Variants in ANO2 observed in about 807,000 individuals in gnomAD.
ANO2 encodes the protein anoctamin 2.
A neutral mutation model predicts 124.2 loss-of-function variants in ANO2; 101 were observed. That is an observed-to-expected ratio of 0.81 (90% CI 0.69 to 0.96). The LOEUF (loss-of-function observed/expected upper bound fraction) is 0.96. Ranked by LOEUF, ANO2 falls within the 40% of genes least tolerant of loss-of-function variation. The pLI, the probability that ANO2 is intolerant of heterozygous loss-of-function variation, is 0.00. For synonymous variants in ANO2, 486 were observed against 482.5 expected (o/e 1.01, Z -0.09); for missense variants, 1,293 against 1,274.5 (o/e 1.01, Z -0.22).
At chr12:5,928,629 A>G (rs1942210445) in intron 1 of ANO2, among the ~76,000 whole-genome samples, 1 of 143,994 alleles carries the variant, frequency 6.9e-6, no homozygotes, top group African/African-American at 2.6e-5. Flanking sequence ...TTCTTTCCTT[A>G]TTAGTCACTT....
Position 5,563,334 on chromosome 12 carries a change from T to C in ANO2, c.2962A>G (p.Met988Val), listed in dbSNP as rs907003320. The C allele has an allele frequency of 1.9e-6, 3 of 1,603,856 alleles. No individual in the cohort carries two copies. The highest frequency in any genetic ancestry group is 3.4e-5 in the Admixed American group (2 of 59,248). The change falls in exon 25 of 25, where the codon ATG (methionine) becomes GTG (valine). Residue 988 changes from methionine (M) to valine (V), a missense_variant. Physicochemically the swap from Met to Val is conservative, Grantham distance 21 (BLOSUM62 1). Coordinates refer to ENST00000682330, the MANE Select transcript of ANO2 (RefSeq NM_001364791.2). ...GTGTGCTGAGAGCCTGACGACATCA[T>C]GCTGCCCAGCTGGCTTTGGCCTGAA... is the stretch of plus-strand genomic sequence containing the variant. ...APSGQSQLGS[M>V]MSSGSQHTNV
At chr12:5,660,758 AC>A (rs1268943934) in intron 14 of ANO2, among the ~76,000 whole-genome samples, 2 of 152,142 alleles carry the variant, frequency 1.3e-5, no homozygotes, top group Non-Finnish European at 2.9e-5. Flanking sequence ...TGCATGGATG[AC>A]TCAGAGAGTG....
intron 14 of ANO2, among the ~76,000 whole-genome samples, chr12:5,696,865 CATG>C (rs1209864527): frequency 6.6e-6 from 1 of 152,198 alleles, no homozygotes; most frequent in African/African-American, 2.4e-5. Flanking sequence ...AGAAAAGCTA[CATG>C]ATTATTTAAA....
chr12:5,921,800 G>A (rs1045729001), intron 2 of ANO2, among the ~76,000 whole-genome samples: 7 of 152,136 alleles, frequency 4.6e-5, no homozygotes, highest in African/African-American at 1.4e-4. Context: ...TACAGGTGAA[G>A]GGGCCTGTGT....
intron 10 of ANO2, among the ~76,000 whole-genome samples, chr12:5,779,779 TG>T (rs1952331485): frequency 6.6e-6 from 1 of 152,206 alleles, no homozygotes; most frequent in Admixed American, 6.5e-5. Context: ...AATGCAGTCA[TG>T]AGGAAACATC....
At chr12:5,786,688 C>A (rs1952550861) in intron 10 of ANO2, among the ~76,000 whole-genome samples, 1 of 152,296 alleles carries the variant, frequency 6.6e-6, no homozygotes, top group Non-Finnish European at 1.5e-5. Flanking sequence ...CGCCTCCCCA[C>A]CACCTCCCCG....
intron 15 of ANO2, among the ~76,000 whole-genome samples, chr12:5,641,255 A>T (rs1946376992): frequency 6.6e-6 from 1 of 152,186 alleles, no homozygotes; most frequent in Admixed American, 6.5e-5. Context: ...GGATAGCATT[A>T]GGAGAAATAC....
chr12:5,727,536 T>TA (rs1950486674), intron 14 of ANO2, among the ~76,000 whole-genome samples: 1 of 147,580 alleles, frequency 6.8e-6, no homozygotes. Flanking sequence ...AGCAATGGCC[T>TA]ACAGCTAACA....
chr12:5,642,658 G>A (rs1946441864), intron 15 of ANO2, among the ~76,000 whole-genome samples: 1 of 152,076 alleles, frequency 6.6e-6, no homozygotes, highest in Admixed American at 6.6e-5. Context: ...TGTATGTCAG[G>A]TCATGTCACT....
intron 23 of ANO2, among the ~76,000 whole-genome samples, chr12:5,568,399 C>A (rs116017550): frequency 1.2e-4 from 18 of 152,186 alleles, no homozygotes; most frequent in African/African-American, 4.3e-4. Flanking sequence ...TGCTGGCCAA[C>A]CCACCCTATT....
At chr12:5,831,249 A>G (rs1177980741) in intron 5 of ANO2, among the ~76,000 whole-genome samples, 1 of 152,226 alleles carries the variant, frequency 6.6e-6, no homozygotes, top group Non-Finnish European at 1.5e-5. Context: ...ACATAGTAAC[A>G]TGCAGACCAT....
At chr12:5,703,349 AAACAC>A (rs1302000461) in intron 14 of ANO2, among the ~76,000 whole-genome samples, 1 of 152,218 alleles carries the variant, frequency 6.6e-6, no homozygotes, top group East Asian at 1.9e-4. Flanking sequence ...TGAAAATGGT[AAACAC>A]AACGTTAAGA....
In ANO2 at chr12:5,930,748, A is replaced by G. The variant is rs547881500; in HGVS notation, c.23-7944T>C. Among the ~76,000 whole-genome samples the G allele has an allele frequency of 7.2e-5, 11 of 152,262 alleles. 1 individual carries two copies. The highest frequency in any genetic ancestry group is 2.2e-4 in the African/African-American group (9 of 41,556). ...GCTCCAGGCTTAAAATTTGGGCCCAATGGCCCTCCTGATTACCCCACCCCT... is the reference window on the plus strand; with the variant it reads ...GCTCCAGGCTTAAAATTTGGGCCCAGTGGCCCTCCTGATTACCCCACCCCT... On this transcript the variant is annotated intron_variant, in intron 1 of 24. Transcript: ENST00000682330.
At chr12:5,864,803 G>A (rs1158862315) in intron 3 of ANO2, among the ~76,000 whole-genome samples, 1 of 152,130 alleles carries the variant, frequency 6.6e-6, no homozygotes. Flanking sequence ...CAAATCACAG[G>A]ATCAACCTGT....
At chr12:5,746,842 T>C (rs1951278613) in intron 11 of ANO2, among the ~76,000 whole-genome samples, 1 of 152,212 alleles carries the variant, frequency 6.6e-6, no homozygotes, top group South Asian at 2.1e-4. Context: ...TTTTTCAATA[T>C]GGTTTAGATT....
At chr12:5,805,302 C>T (rs891429518) in intron 9 of ANO2, among the ~76,000 whole-genome samples, 3 of 152,162 alleles carry the variant, frequency 2.0e-5, no homozygotes, top group African/African-American at 7.2e-5. Flanking sequence ...TGAGCTTCAG[C>T]TCCTCAACCC....
intron 3 of ANO2, among the ~76,000 whole-genome samples, chr12:5,860,185 T>A (rs1955223885): frequency 6.6e-6 from 1 of 151,996 alleles, no homozygotes; most frequent in Non-Finnish European, 1.5e-5. Flanking sequence ...TCATCCCCCA[T>A]CCCAACCAAC....
At chr12:5,595,645 T>A (rs1292817758) in intron 20 of ANO2, among the ~76,000 whole-genome samples, 2 of 152,168 alleles carry the variant, frequency 1.3e-5, no homozygotes, top group Non-Finnish European at 2.9e-5. Flanking sequence ...GAAAAACATA[T>A]GTGTAAGCAA....
At chr12:5,812,119 AG>A (rs1274002084) in intron 7 of ANO2, among the ~76,000 whole-genome samples, 3 of 137,676 alleles carry the variant, frequency 2.2e-5, no homozygotes, top group African/African-American at 8.1e-5. Flanking sequence ...AGGCCAGGGA[AG>A]GGCAGGGAAA....
Sources: gnomAD v4.1 joint callset for allele counts (sites outside exome capture counted in the v4.1 genomes callset) on GRCh38, gnomAD v4.1.1 for gene constraint, MANE v1.5 for transcripts, NCBI Gene and HGNC (gene_info 2026-07-23, HGNC 2026-07-21) for gene names.